The following MYBPC3 variants were observed in gnomAD, a reference collection of about 807,000 sequenced individuals.
MYBPC3 encodes the protein myosin-binding protein C, cardiac-type.
Under a neutral mutation model 159.3 loss-of-function variants are expected in MYBPC3, and 108 were observed. That is an observed-to-expected ratio of 0.68 (90% confidence interval 0.58 to 0.80). MYBPC3 has a LOEUF of 0.80. MYBPC3 is among the 30% of genes least tolerant of loss of function. The pLI is 0.00. For missense variants in MYBPC3, 1,631 were observed against 1,762.1 expected (o/e 0.93, Z 1.33); for synonymous variants, 730 against 702.0 (o/e 1.04, Z -0.63).
In MYBPC3 at chr11:47,336,026, G is replaced by A; in HGVS notation, c.2603-15C>T. On this transcript the variant is annotated splice_polypyrimidine_tract_variant and intron_variant, in intron 25 of 34. Coordinates refer to ENST00000545968, the MANE Select transcript of MYBPC3 (RefSeq NM_000256.3). ...GCTGGGGGGACCTGGGCAGAGGAGA[G>A]GTCAGAGAGGGGTCTGAGCAAGCCT... 1.4e-6 allele frequency: 2 copies of A among 1,475,386 alleles called. No individual in the cohort carries two copies. The highest frequency in any genetic ancestry group is 2.9e-5 in the South Asian group (2 of 68,230). The allele number at this position is 1,475,386 out of a possible 1,614,324, so 91.4% of individuals were successfully genotyped here. A position where few individuals can be genotyped will look rare whatever the true frequency, so the allele number is the denominator to read the frequency against.
rs1338707268 is a variant in MYBPC3, at chr11:47,337,561, T to C, written c.2432A>G (p.Lys811Arg). 3 of 1,613,960 alleles carry C rather than the reference T, an allele frequency of 1.9e-6. No homozygotes were observed. Among genetic ancestry groups the C allele is most frequent in the Non-Finnish European group, 2.5e-6 (3 of 1,179,882 alleles). Reference sequence around the variant, plus strand: ...CATCCACCGGTAGCTCTTCTTCTTCTTGCGCTCCAGGATGTAGCCTGGCTC... The same window carrying C: ...CATCCACCGGTAGCTCTTCTTCTTCCTGCGCTCCAGGATGTAGCCTGGCTC... Reference protein sequence around the residue: ...QPILGYILERKKKKSYRWMRL... With the variant: ...QPILGYILERRKKKSYRWMRL... Residue 811 changes from lysine (K) to arginine (R), a missense_variant, in exon 25 of 35, where the codon AAG becomes AGG. Physicochemically the swap from Lys to Arg is conservative, Grantham distance 26. Transcript: ENST00000545968.
Position 47,338,787 on chromosome 11 carries a change from T to A in MYBPC3, c.2149-108A>T. ...GGGTCCATGGGGGGAACACAGCCTG[T>A]GGGAAGACTGCATCCACGTCAGCAT... On this transcript the variant is annotated intron_variant, in intron 22 of 34. Transcript: ENST00000545968. This position sits in a 1 kb window ranked among gnomAD's most constrained non-coding sequence, Gnocchi z 4.7. The A allele has an allele frequency of 7.8e-7, 1 of 1,280,778 alleles. No individual in the cohort carries two copies. Among genetic ancestry groups the A allele is most frequent in the Non-Finnish European group, 1.1e-6 (1 of 950,298 alleles). The allele number at this position is 1,280,778 out of a possible 1,614,324, so 79.3% of individuals were successfully genotyped here.
Position 47,333,851 on chromosome 11 carries a change from C to G in MYBPC3, c.2994+71G>C, listed in dbSNP as rs560516421. On this transcript the variant is annotated intron_variant, in intron 28 of 34. Transcript: ENST00000545968. ...TCAGATCAGGCCAGCCCTGAGACAT[C>G]AGTCCACTGGATGGGAACAACACAC... 368 of 1,549,018 alleles carry G rather than the reference C, an allele frequency of 2.4e-4. 5 individuals are homozygous for G. The South Asian group carries it at 2.9e-3, about 12-fold the overall frequency.
At position 47,333,218 on chromosome 11, in the gene MYBPC3, C is replaced by G; in HGVS notation, c.3306G>C (p.Val1102=). 1 of 1,599,672 alleles carries G rather than the reference C, an allele frequency of 6.3e-7. No individual in the cohort carries two copies. The highest frequency in any genetic ancestry group is 8.5e-7 in the Non-Finnish European group (1 of 1,172,948). ...CCATGGTCTTCTTGTCGGCTTTCTGCACTGTGTACCCCCAGAGCTCCGTGT... is the reference window on the plus strand; with the variant it reads ...CCATGGTCTTCTTGTCGGCTTTCTGGACTGTGTACCCCCAGAGCTCCGTGT... ...VGNTELWGYT[V]QKADKKTMEW... is the part of the protein sequence containing the mutation. Residue 1102 remains valine (V), a synonymous_variant, in exon 30 of 35, where the codon GTG becomes GTC. Coordinates refer to ENST00000545968, the MANE Select transcript of MYBPC3 (RefSeq NM_000256.3).
At position 47,349,880 on chromosome 11, in the gene MYBPC3, A is replaced by T; in HGVS notation, c.548T>A (p.Leu183His). ...TFSARVAGAS[L>H]LKPPVVKWFK... is the part of the protein sequence containing the mutation. ...CCACTTGACCACAGGCGGCTTCAGG[A>T]GGCTGGCGCCGGCCACGCGGGCTGA... The change falls in exon 5 of 35, where the codon CTC becomes CAC. Residue 183 changes from leucine to histidine, a missense_variant. By Grantham distance (99) the Leu-to-His change is moderately conservative. Coordinates refer to ENST00000545968, the MANE Select transcript of MYBPC3 (RefSeq NM_000256.3). The T allele has an allele frequency of 3.1e-6, 5 of 1,611,910 alleles. No individual in the cohort carries two copies. Among genetic ancestry groups the T allele is most frequent in the Non-Finnish European group, 4.2e-6 (5 of 1,179,224 alleles).
rs548328145 is a variant in MYBPC3 at position 47,343,412 on chromosome 11, C to T, written c.1223+80G>A. 1.8e-4 allele frequency: 278 copies of T among 1,506,436 alleles called. 1 individual carries two copies. The highest frequency in any genetic ancestry group is 1.4e-3 in the African/African-American group (99 of 72,576). The allele number at this position is 1,506,436 out of a possible 1,614,324, so 93.3% of individuals were successfully genotyped here. On this transcript the variant is annotated intron_variant, in intron 13 of 34. Transcript: ENST00000545968. ...TGAGAGCCACACCGAGTCAGAGATA[C>T]GCATGTGGAGAGGGGCAGGAGGCAA...
chr11:47,348,908 T>TTATATATACATACATATATATATA (rs1555123224), intron 5 of MYBPC3, among the ~76,000 whole-genome samples: 2 of 39,884 alleles, frequency 5.0e-5, no homozygotes, highest in African/African-American at 1.5e-4. Flanking sequence ...CTGTCTCAAA[T>TTATATATACATACATATATATATA]TATATATATA....
chr11:47,341,004 C>A lies in MYBPC3; in HGVS notation c.1926G>T (p.Gln642His). The part of the protein sequence containing the change: ...MEVKIDFVPR[Q>H]EPPKIHLDCP... ...AGACTCAGGGGCCCCAAGACTTACC[C>A]TGCCTGGGTACGAAGTCAATCTTGA... is the stretch of plus-strand genomic sequence containing the variant. The change falls in exon 20 of 35, where the codon CAG (glutamine) becomes CAT (histidine). Residue 642 changes from glutamine to histidine, a missense_variant and splice_region_variant. By Grantham distance (24) the Gln-to-His change is conservative. Transcript: ENST00000545968. The A allele has an allele frequency of 6.4e-7, 1 of 1,566,102 alleles. No homozygotes were observed. The highest frequency in any genetic ancestry group is 8.6e-7 in the Non-Finnish European group (1 of 1,156,568).
At position 47,332,335 on chromosome 11, in the gene MYBPC3, C is replaced by CT. The variant is rs2095878002; in HGVS notation, c.3628-78dup. 2 of 1,534,502 alleles carry CT rather than the reference C, an allele frequency of 1.3e-6. No homozygotes were observed. Among genetic ancestry groups the CT allele is most frequent in the African/African-American group, 2.7e-5 (2 of 73,050 alleles). ...CTGGCAGGGACCCAGGGAGACACAT[C>CT]TGTGTTTCTACTCGGGGGGTCCCAC... On this transcript the variant is annotated intron_variant, in intron 32 of 34. Coordinates refer to ENST00000545968, the MANE Select transcript of MYBPC3 (RefSeq NM_000256.3). This position sits in a 1 kb window ranked among gnomAD's most constrained non-coding sequence, Gnocchi z 4.2.
intron 29 of MYBPC3, 45 bp from the exon 30 acceptor site, chr11:47,333,378 G>A (rs1443492512): frequency 2.0e-6 from 3 of 1,518,700 alleles, no homozygotes; most frequent in African/African-American, 1.4e-5. Flanking sequence ...TCCTGACAGT[G>A]AGCAGGGGGT....
At chr11:47,340,158 CACAT>C (rs1472456219) in intron 20 of MYBPC3, among the ~76,000 whole-genome samples, 3 of 151,814 alleles carry the variant, frequency 2.0e-5, no homozygotes, top group Admixed American at 6.6e-5. Context: ...CACACAGACA[CACAT>C]ACACATACAC....
At chr11:47,333,892 C>A in intron 28 of MYBPC3, 30 bp downstream of exon 28, 1 of 1,559,000 alleles carries the variant, frequency 6.4e-7, no homozygotes, top group Non-Finnish European at 8.7e-7. Flanking sequence ...CCTCTCTCCC[C>A]TGGGGGACAG....
rs886038274 is a variant in MYBPC3 at position 47,342,951 on chromosome 11, G to A, written c.1352-16C>T. 8 of 1,611,132 alleles carry A rather than the reference G, an allele frequency of 5.0e-6. No homozygotes were observed. Among genetic ancestry groups the A allele is most frequent in the African/African-American group, 1.3e-5 (1 of 74,888 alleles). ...ACAGGGGGCTCTGTCCAGGCAGGGT[G>A]AGCATGAGGGTTGGCTCCCCTGAGG... On this transcript the variant is annotated splice_polypyrimidine_tract_variant and intron_variant, in intron 15 of 34. Coordinates refer to ENST00000545968, the MANE Select transcript of MYBPC3 (RefSeq NM_000256.3).
Position 47,343,003 on chromosome 11 carries a change from C to T in MYBPC3, c.1351+18G>A. On this transcript the variant is annotated intron_variant, in intron 15 of 34. Coordinates refer to ENST00000545968, the MANE Select transcript of MYBPC3 (RefSeq NM_000256.3). The stretch of plus-strand genomic sequence containing the variant: ...CATCTCCTCCCCAGGTTCCCACATC[C>T]TCAGGTCCCAGGCCCACCTTTCACA... The T allele has an allele frequency of 6.2e-7, 1 of 1,613,096 alleles. No individual in the cohort carries two copies. Among genetic ancestry groups the T allele is most frequent in the Non-Finnish European group, 8.5e-7 (1 of 1,179,768 alleles).
At chr11:47,337,934 C>G in intron 23 of MYBPC3, 140 bp from the exon 24 acceptor site, 2 of 609,708 alleles carry the variant, frequency 3.3e-6, no homozygotes, top group South Asian at 4.4e-5. Flanking sequence ...TTCTAGAATG[C>G]ATTTCTTTCT....
chr11:47,341,307 C>T lies in MYBPC3; in HGVS notation c.1791-63G>A, dbSNP rs1035597959. ...CACACACCCCTGGCCTTGCCAGATACCCCAGCCAGGGTCCCAGGAGGCCCT... is the reference window on the plus strand; with the variant it reads ...CACACACCCCTGGCCTTGCCAGATATCCCAGCCAGGGTCCCAGGAGGCCCT... On this transcript the variant is annotated intron_variant, in intron 18 of 34. Coordinates refer to ENST00000545968, the MANE Select transcript of MYBPC3 (RefSeq NM_000256.3). 6.0e-6 allele frequency: 8 copies of T among 1,342,818 alleles called. No homozygotes were observed. The African/African-American group carries it at 1.2e-4, about 20-fold the overall frequency. The allele number at this position is 1,342,818 out of a possible 1,614,324, so 83.2% of individuals were successfully genotyped here. A position where few individuals can be genotyped will look rare whatever the true frequency, so the allele number is the denominator to read the frequency against.
chr11:47,339,611 C>T, intron 21 of MYBPC3, 40 bp downstream of exon 21: 1 of 1,533,650 alleles, frequency 6.5e-7, no homozygotes, highest in South Asian at 1.2e-5. Flanking sequence ...TCCACACACC[C>T]ATCTTATAGA....
chr11:47,332,998 C>T lies in MYBPC3; in HGVS notation c.3331-25G>A. The T allele has an allele frequency of 1.9e-6, 3 of 1,598,828 alleles. No homozygotes were observed. Among genetic ancestry groups the T allele is most frequent in the Non-Finnish European group, 2.6e-6 (3 of 1,172,530 alleles). On this transcript the variant is annotated intron_variant, in intron 30 of 34. Coordinates refer to ENST00000545968, the MANE Select transcript of MYBPC3 (RefSeq NM_000256.3). The surrounding 1 kb of genome is among the most constrained non-coding windows in gnomAD (Gnocchi z 4.2). ...CCTGGGGGCAGGGAGGGAGGGGAGG[C>T]ATCTCTGGGCCAGGCCCTTCCTGAT... is the stretch of plus-strand genomic sequence containing the variant.
At chr11:47,331,958 C>T (rs967787569) in intron 33 of MYBPC3, 77 bp from the exon 34 acceptor site, 52 of 1,594,168 alleles carry the variant, frequency 3.3e-5, no homozygotes, top group African/African-American at 3.0e-4. Context: ...TGGCAGGGTC[C>T]GTGCCCTTGC....
Sources: allele counts gnomAD v4.1 joint callset (sites outside exome capture counted in the v4.1 genomes callset), GRCh38; gene constraint gnomAD v4.1.1; non-coding constraint Gnocchi (gnomAD v3.1); transcripts MANE v1.5; gene names NCBI Gene and HGNC (gene_info 2026-07-23, HGNC 2026-07-21).